The following SERPINB12 variants were observed in gnomAD, a reference collection of about 807,000 sequenced individuals.
SERPINB12 encodes serpin family B member 12.
A neutral mutation model predicts 41.1 loss-of-function variants in SERPINB12; 57 were observed. That is an observed-to-expected ratio of 1.39 (90% confidence interval 1.12 to 1.73). The LOEUF is 1.73. SERPINB12 is among the 40% of genes most tolerant of loss of function. The probability of loss-of-function intolerance (pLI) is 0.00; values close to 1 mark genes in which losing one functional copy is unlikely to be tolerated. For missense variants in SERPINB12, 536 were observed against 501.9 expected (o/e 1.07, Z -0.65); for synonymous variants, 180 against 181.3 (o/e 0.99, Z 0.06).
At chr18:63,558,301 G>T in intron 2 of SERPINB12, 51 bp from the exon 3 acceptor site, 1 of 1,554,146 alleles carries the variant, frequency 6.4e-7, no homozygotes. Context: ...AAGTTATTCA[G>T]GCTTCCCTCT....
intron 1 of SERPINB12, among the ~76,000 whole-genome samples, chr18:63,543,169 A>G (rs928557049): frequency 1.3e-5 from 2 of 152,184 alleles, no homozygotes; most frequent in African/African-American, 2.4e-5. Context: ...GATAATGGGT[A>G]TGTAAGGGCC....
chr18:63,567,226 C>A lies in SERPINB12; in HGVS notation c.*215C>A, dbSNP rs975618110. ...AAGGGCTGTTGTTCTCTACCCTAAA[C>A]TTTCAAGCATATAAATTCACCCTCT... On this transcript the variant is annotated 3_prime_UTR_variant, in exon 8 of 8. Coordinates refer to ENST00000382768, the MANE Select transcript of SERPINB12 (RefSeq NM_001307928.2). Among the ~76,000 whole-genome samples the A allele has an allele frequency of 6.6e-6, 1 of 152,192 alleles. No individual in the cohort carries two copies. Among genetic ancestry groups the A allele is most frequent in the Admixed American group, 6.5e-5 (1 of 15,274 alleles).
At chr18:63,532,665 G>T in the SERPINB12 span, among the ~76,000 whole-genome samples, 1 of 152,164 alleles carries the variant, frequency 6.6e-6, no homozygotes, top group Non-Finnish European at 1.5e-5. Flanking sequence ...TAAAGAGGTT[G>T]TCTCTATGGT....
In SERPINB12 at chr18:63,565,441, A is replaced by G. The variant is rs1911064120; in HGVS notation, c.706-4A>G. 6.2e-7 allele frequency: 1 copy of G among 1,612,238 alleles called. No homozygotes were observed. The highest frequency in any genetic ancestry group is 1.7e-4 in the Middle Eastern group (1 of 6,050). On this transcript the variant is annotated splice_region_variant and splice_polypyrimidine_tract_variant and intron_variant, in intron 6 of 7. Coordinates refer to ENST00000382768, the MANE Select transcript of SERPINB12 (RefSeq NM_001307928.2). ...CCTGTGACCTCCTACCTTGACTACT[A>G]CAGAATGAAAACAAGAGTGTGAAGA... is the stretch of plus-strand genomic sequence containing the variant.
chr18:63,536,269 T>A, the SERPINB12 span, among the ~76,000 whole-genome samples: 3,781 of 151,970 alleles, frequency 0.025, 162 homozygotes, highest in African/African-American at 0.087. Flanking sequence ...CATATTTAAA[T>A]GTCAAATGAC....
the SERPINB12 span, among the ~76,000 whole-genome samples, chr18:63,533,904 C>T: frequency 1.9e-5 from 1 of 52,728 alleles, no homozygotes. Context: ...GAGAAATAGG[C>T]ATAAAGAGAA....
Position 63,569,225 on chromosome 18 carries a change from A to C in SERPINB12, c.*2214A>C, listed in dbSNP as rs1911216950. 1.3e-5 allele frequency among the ~76,000 whole-genome samples: 2 copies of C among 152,196 alleles called. 1 individual carries two copies. Among genetic ancestry groups the C allele is most frequent in the South Asian group, 4.1e-4 (2 of 4,830 alleles). On this transcript the variant is annotated 3_prime_UTR_variant, in exon 8 of 8. Transcript: ENST00000382768. ...TTTACAATAATGAGGAAAATTAAGA[A>C]TCTTAAATCTTTATGTAAATCAGTA...
At chr18:63,559,781 T>G in intron 4 of SERPINB12, 63 bp downstream of exon 4, 1 of 1,559,418 alleles carries the variant, frequency 6.4e-7, no homozygotes, top group Non-Finnish European at 8.8e-7. Flanking sequence ...AATCAGGGAG[T>G]AGCTGGGTTA....
At chr18:63,530,491 C>G in the SERPINB12 span, among the ~76,000 whole-genome samples, 1 of 152,184 alleles carries the variant, frequency 6.6e-6, no homozygotes, top group Non-Finnish European at 1.5e-5. Context: ...CTATTGGATT[C>G]AGGGCTTGCT....
intron 1 of SERPINB12, among the ~76,000 whole-genome samples, chr18:63,545,758 A>G (rs1045124453): frequency 6.6e-6 from 1 of 152,214 alleles, no homozygotes; most frequent in African/African-American, 2.4e-5. Flanking sequence ...AAAGGCTATG[A>G]TGGGCAACAT....
chr18:63,525,002 G>A, the SERPINB12 span, among the ~76,000 whole-genome samples: 2 of 151,554 alleles, frequency 1.3e-5, no homozygotes, highest in Non-Finnish European at 2.9e-5. Context: ...TACCAGTCTC[G>A]GCCTCCCAAA....
intron 1 of SERPINB12, among the ~76,000 whole-genome samples, chr18:63,543,020 A>G (rs961671693): frequency 2.0e-5 from 3 of 152,146 alleles, no homozygotes; most frequent in African/African-American, 4.8e-5. Flanking sequence ...TATGTACCAC[A>G]TTTTCTTTAT....
At chr18:63,526,761 C>T in the SERPINB12 span, among the ~76,000 whole-genome samples, 1 of 152,278 alleles carries the variant, frequency 6.6e-6, no homozygotes, top group Admixed American at 6.5e-5. Context: ...TCAATGTTTA[C>T]ATTTTACAGT....
rs1426241366 is a variant in SERPINB12 at position 63,565,553 on chromosome 18, C to T, written c.814C>T (p.Leu272Phe). The change falls in exon 7 of 8, where the codon CTC becomes TTC. Residue 272 changes from leucine (L) to phenylalanine (F), a missense_variant. Leu to Phe is a conservative substitution (Grantham distance 22). Transcript: ENST00000382768. Reference protein sequence around the residue: ...ILEMRYTKGKLSMFVLLPSHS... With the variant: ...ILEMRYTKGKFSMFVLLPSHS... The stretch of plus-strand genomic sequence containing the variant: ...GGAAATGAGGTACACCAAGGGGAAG[C>T]TCAGCATGTTCGTGCTGCTGCCATC... The T allele has an allele frequency of 1.2e-6, 2 of 1,614,126 alleles. No homozygotes were observed. Among genetic ancestry groups the T allele is most frequent in the African/African-American group, 1.3e-5 (1 of 75,040 alleles).
upstream of SERPINB12, among the ~76,000 whole-genome samples, chr18:63,539,089 A>G (rs1910225887): frequency 6.6e-6 from 1 of 152,074 alleles, no homozygotes; most frequent in Non-Finnish European, 1.5e-5. Flanking sequence ...CTTTCTCTCT[A>G]TGAGAAGAGA....
At chr18:63,542,135 C>T (rs1048962172), upstream of SERPINB12, among the ~76,000 whole-genome samples, 1 of 152,150 alleles carries the variant, frequency 6.6e-6, no homozygotes, top group African/African-American at 2.4e-5. Flanking sequence ...TATGACACTT[C>T]CTCTTTACTA....
rs569819433 is a variant in SERPINB12 at position 63,566,802 on chromosome 18, C to A, written c.1069C>A (p.Pro357Thr). ...TGATCTTACTGGAATCTCTCCAAGT[C>A]CCAATTTGTACTTGTCAAAAATTAT... ...RADLTGISPS[P>T]NLYLSKIIHK... Residue 357 changes from proline (P) to threonine (T), a missense_variant, in exon 8 of 8, where the codon CCC becomes ACC. Coordinates refer to ENST00000382768, the MANE Select transcript of SERPINB12 (RefSeq NM_001307928.2). 6.2e-7 allele frequency: 1 copy of A among 1,614,072 alleles called. No individual in the cohort carries two copies.
rs1910662488 is a variant in SERPINB12 at position 63,556,092 on chromosome 18, T to C, written c.-18-50T>C. 11 of 1,339,546 alleles carry C rather than the reference T, an allele frequency of 8.2e-6. No individual in the cohort carries two copies. In the South Asian group the frequency reaches 1.4e-4, roughly 18 times the overall value. The allele number at this position is 1,339,546 out of a possible 1,614,324, so 83.0% of individuals were successfully genotyped here. A position where few individuals can be genotyped will look rare whatever the true frequency, so the allele number is the denominator to read the frequency against. On this transcript the variant is annotated intron_variant, in intron 1 of 7. Transcript: ENST00000382768. ...TGTAAAATAAAATTGTTTGTTCACT[T>C]ATTTTCTTCCAATCACCATTTTCTC...
At chr18:63,539,306 T>C (rs1910229827), upstream of SERPINB12, among the ~76,000 whole-genome samples, 1 of 152,104 alleles carries the variant, frequency 6.6e-6, no homozygotes, top group South Asian at 2.1e-4. Flanking sequence ...ATTCTAAAAG[T>C]GTGCTAAAGA....
Sources: gnomAD v4.1 joint callset for allele counts (sites outside exome capture counted in the v4.1 genomes callset) on GRCh38, gnomAD v4.1.1 for gene constraint, MANE v1.5 for transcripts, NCBI Gene and HGNC (gene_info 2026-07-23, HGNC 2026-07-21) for gene names.